The following SCHIP1 variants were observed in gnomAD, a reference collection of about 807,000 sequenced individuals.
SCHIP1 encodes schwannomin-interacting protein 1.
SCHIP1 carries 8 observed loss-of-function variants against 29.7 expected under a neutral mutation model. That is an observed-to-expected ratio of 0.27 (90% CI 0.16 to 0.49). The LOEUF (loss-of-function observed/expected upper bound fraction) is 0.49. Among genes scored for constraint, SCHIP1 ranks in the 20% least tolerant of loss-of-function variants. The probability of loss-of-function intolerance (pLI) is 0.99; values close to 1 mark genes in which losing one functional copy is unlikely to be tolerated. For missense variants in SCHIP1, 193 were observed against 294.6 expected (o/e 0.66, Z 2.52); for synonymous variants, 76 against 94.9 (o/e 0.80, Z 1.16).
At chr3:159,454,603 T>C in the SCHIP1 span, among the ~76,000 whole-genome samples, 1 of 152,224 alleles carries the variant, frequency 6.6e-6, no homozygotes. Context: ...AAAATGAACA[T>C]GATTTTCCCT....
At chr3:159,825,802 A>C in the SCHIP1 span, among the ~76,000 whole-genome samples, 1 of 152,180 alleles carries the variant, frequency 6.6e-6, no homozygotes, top group Non-Finnish European at 1.5e-5. Context: ...AAGTGAATTT[A>C]AAGCAGGACC....
the SCHIP1 span, among the ~76,000 whole-genome samples, chr3:159,723,610 G>A: frequency 3.3e-5 from 5 of 152,140 alleles, no homozygotes; most frequent in African/African-American, 4.8e-5. Context: ...GATAGGCTAT[G>A]TTTATTTCAT....
At chr3:159,426,300 G>GA in the SCHIP1 span, among the ~76,000 whole-genome samples, 4 of 151,772 alleles carry the variant, frequency 2.6e-5, no homozygotes, top group African/African-American at 9.7e-5. Flanking sequence ...GACTAATAAA[G>GA]AAAAAAAGAG....
the SCHIP1 span, among the ~76,000 whole-genome samples, chr3:159,395,233 G>C: frequency 4.6e-5 from 7 of 151,888 alleles, no homozygotes; most frequent in African/African-American, 9.7e-5. Context: ...AGTCTTGCTA[G>C]CGGTCTATCT....
the SCHIP1 span, among the ~76,000 whole-genome samples, chr3:159,786,634 C>T: frequency 6.6e-6 from 1 of 151,270 alleles, no homozygotes. Context: ...CACCTTTAGT[C>T]AGATAAGCAG....
chr3:159,514,938 G>A, the SCHIP1 span, among the ~76,000 whole-genome samples: 1 of 152,010 alleles, frequency 6.6e-6, no homozygotes, highest in Admixed American at 6.6e-5. Flanking sequence ...CATTGCTTAG[G>A]CCAAACTTCA....
At chr3:159,359,169 G>A in the SCHIP1 span, among the ~76,000 whole-genome samples, 9 of 151,838 alleles carry the variant, frequency 5.9e-5, no homozygotes, top group Non-Finnish European at 1.2e-4. Flanking sequence ...CTCGTGATCC[G>A]CCCACCACAG....
the SCHIP1 span, among the ~76,000 whole-genome samples, chr3:159,315,943 T>G: frequency 6.6e-6 from 1 of 152,006 alleles, no homozygotes; most frequent in African/African-American, 2.4e-5. Flanking sequence ...GTAGGGGGCT[T>G]ATCTGTAAAG....
the SCHIP1 span, among the ~76,000 whole-genome samples, chr3:159,432,507 G>A: frequency 6.6e-6 from 1 of 152,090 alleles, no homozygotes; most frequent in Non-Finnish European, 1.5e-5. Context: ...TCAAGTGAAA[G>A]GGAACCAGGC....
the SCHIP1 span, among the ~76,000 whole-genome samples, chr3:159,430,531 T>A: frequency 6.6e-6 from 1 of 152,070 alleles, no homozygotes; most frequent in African/African-American, 2.4e-5. Context: ...GCACTGGAGG[T>A]TCCTTGGGGC....
the SCHIP1 span, among the ~76,000 whole-genome samples, chr3:159,706,558 GAA>G: frequency 6.6e-6 from 1 of 152,160 alleles, no homozygotes; most frequent in Admixed American, 6.5e-5. Context: ...TCTTTTCCCT[GAA>G]TACCAAACAT....
the SCHIP1 span, among the ~76,000 whole-genome samples, chr3:159,587,289 G>A: frequency 1.3e-5 from 2 of 151,832 alleles, no homozygotes; most frequent in East Asian, 1.9e-4. Flanking sequence ...TCTTTTAAAC[G>A]AAAGTATCTT....
chr3:159,413,069 T>C, the SCHIP1 span, among the ~76,000 whole-genome samples: 1 of 152,112 alleles, frequency 6.6e-6, no homozygotes, highest in African/African-American at 2.4e-5. Context: ...GAGAGAGAAG[T>C]GCAGAGCAAA....
chr3:159,337,675 C>G, the SCHIP1 span, among the ~76,000 whole-genome samples: 1 of 152,058 alleles, frequency 6.6e-6, no homozygotes, highest in East Asian at 1.9e-4. Context: ...ATGTTTCTGT[C>G]CTCTGTACCA....
the SCHIP1 span, among the ~76,000 whole-genome samples, chr3:159,450,921 G>A: frequency 2.0e-5 from 3 of 148,734 alleles, 1 homozygote; most frequent in East Asian, 2.0e-4. Flanking sequence ...CCATTCTCCT[G>A]CCTCAGCCTC....
At chr3:159,552,766 T>C in the SCHIP1 span, among the ~76,000 whole-genome samples, 2 of 152,182 alleles carry the variant, frequency 1.3e-5, no homozygotes, top group African/African-American at 4.8e-5. Context: ...AATTATAAAG[T>C]AGTGTTAAAA....
At chr3:159,437,628 G>C in the SCHIP1 span, among the ~76,000 whole-genome samples, 3 of 151,576 alleles carry the variant, frequency 2.0e-5, no homozygotes, top group African/African-American at 7.3e-5. Context: ...ATCTCCATTC[G>C]TCTTTTAAAA....
the SCHIP1 span, among the ~76,000 whole-genome samples, chr3:159,341,796 T>C: frequency 6.6e-6 from 1 of 152,214 alleles, no homozygotes; most frequent in African/African-American, 2.4e-5. Flanking sequence ...AAAAGTCCTG[T>C]TCAAATATGT....
the SCHIP1 span, among the ~76,000 whole-genome samples, chr3:159,379,640 C>CTGCATACTGGG: frequency 6.6e-6 from 1 of 152,092 alleles, no homozygotes; most frequent in African/African-American, 2.4e-5. Context: ...GCAACACCTA[C>CTGCATACTGGG]AAGTTCCATA....
Sources: gnomAD v4.1 joint callset for allele counts (sites outside exome capture counted in the v4.1 genomes callset) on GRCh38, gnomAD v4.1.1 for gene constraint, MANE v1.5 for transcripts, NCBI Gene and HGNC (gene_info 2026-07-23, HGNC 2026-07-21) for gene names.